TMED3: variants seen among roughly 807,000 people sequenced by gnomAD.
TMED3 encodes the protein transmembrane emp24 domain-containing protein 3.
In TMED3, 9 loss-of-function variants were observed where a neutral mutation model predicts 15.0. The observed-to-expected ratio is 0.60, with a 90% CI of 0.36 to 1.04. The LOEUF (loss-of-function observed/expected upper bound fraction) is 1.04. TMED3 is among the 50% of genes least tolerant of loss of function. TMED3 has a pLI of 0.01. For missense variants in TMED3, 267 were observed against 278.9 expected, an observed-to-expected ratio of 0.96 and a Z score of 0.30; for synonymous variants, 117 against 121.4, an observed-to-expected ratio of 0.96 and a Z score of 0.24.
At chr15:79,324,452 CTAAG>C (rs2058780349), downstream of TMED3, among the ~76,000 whole-genome samples, 1 of 151,966 alleles carries the variant, frequency 6.6e-6, no homozygotes, top group African/African-American at 2.4e-5. Context: ...AAGTATGACT[CTAAG>C]AAGGAAGGGG....
intron 2 of TMED3, among the ~76,000 whole-genome samples, chr15:79,351,395 T>C (rs1027249652): frequency 6.6e-6 from 1 of 152,236 alleles, no homozygotes; most frequent in Non-Finnish European, 1.5e-5. Context: ...ATCAGTTTTA[T>C]AATTAGTTGG....
At chr15:79,353,345 AAATATATGT>A in intron 2 of TMED3, among the ~76,000 whole-genome samples, 1 of 102,880 alleles carries the variant, frequency 9.7e-6, no homozygotes, top group African/African-American at 3.9e-5. Context: ...TATGTATATA[AAATATATGT>A]TATATATAAA....
At position 79,353,307 on chromosome 15, in the gene TMED3, T is replaced by TAA. The variant is rs1567030615; in HGVS notation, c.417+39302_417+39303insAA. 9.4e-4 allele frequency among the ~76,000 whole-genome samples: 32 copies of TAA among 33,884 alleles called. 1 individual carries two copies. The highest frequency in any genetic ancestry group is 2.1e-3 in the African/African-American group (29 of 13,494). 22.2% of individuals were successfully genotyped at this position (33,884 alleles called of 152,430 possible). On this transcript the variant is annotated intron_variant, in intron 2 of 2. Coordinates refer to the TMED3 transcript ENST00000424155. ...ATATATTATATGTATATTATATATATTATATATATAATATATATAATATAT... is the reference window on the plus strand; with the variant it reads ...ATATATTATATGTATATTATATATATAATATATATATAATATATATAATATAT...
intron 2 of TMED3, among the ~76,000 whole-genome samples, chr15:79,389,126 G>A (rs147477311): frequency 0.076 from 11,512 of 152,056 alleles, 577 homozygotes; most frequent in Middle Eastern, 0.14. Context: ...TGTTTTTATT[G>A]CATTTGCCTT....
intron 2 of TMED3, among the ~76,000 whole-genome samples, chr15:79,377,687 G>A (rs111778017): frequency 0.037 from 4,747 of 126,784 alleles, 256 homozygotes; most frequent in African/African-American, 0.13. Context: ...TCGCTCTTTC[G>A]CCCAGGCCAG....
downstream of TMED3, among the ~76,000 whole-genome samples, chr15:79,324,182 G>A (rs1318730057): frequency 2.6e-5 from 4 of 152,158 alleles, no homozygotes; most frequent in East Asian, 1.9e-4. Context: ...TAGTAGAGAC[G>A]GGGTTTCACC....
rs1416493795 is a variant in TMED3, at chr15:79,382,888, C to T, written c.418-28512C>T. The T allele has an allele frequency of 1.2e-5, 16 of 1,348,048 alleles. 1 individual carries two copies. The Middle Eastern group carries it at 1.1e-3, about 90-fold the overall frequency. 83.5% of individuals were successfully genotyped at this position (1,348,048 alleles called of 1,614,324 possible). A position where few individuals can be genotyped will look rare whatever the true frequency, so the allele number is the denominator to read the frequency against. On this transcript the variant is annotated intron_variant, in intron 2 of 2. Transcript: ENST00000424155. The stretch of plus-strand genomic sequence containing the variant: ...TTCATGGGTATCTCATACTATTGTT[C>T]TTACCAACACAATATAGTCTTTATT...
chr15:79,393,233 G>A (rs930414696), intron 2 of TMED3, among the ~76,000 whole-genome samples: 1 of 152,194 alleles, frequency 6.6e-6, no homozygotes. Flanking sequence ...GAAGCTATTA[G>A]TATTTCTAGG....
At chr15:79,379,738 T>C (rs1262487395) in intron 2 of TMED3, among the ~76,000 whole-genome samples, 1 of 152,192 alleles carries the variant, frequency 6.6e-6, no homozygotes, top group East Asian at 1.9e-4. Flanking sequence ...ACATTAGATA[T>C]ACTGATCAAA....
chr15:79,361,043 T>C (rs1306658712), intron 2 of TMED3, among the ~76,000 whole-genome samples: 3 of 151,092 alleles, frequency 2.0e-5, no homozygotes, highest in African/African-American at 4.9e-5. Context: ...TTTTATTTTT[T>C]GTAGAGAGAG....
chr15:79,331,171 A>G (rs548068525), intron 2 of TMED3, among the ~76,000 whole-genome samples: 6 of 152,162 alleles, frequency 3.9e-5, no homozygotes, highest in Non-Finnish European at 8.8e-5. Flanking sequence ...ATCTGCCCCC[A>G]TGATCTAATC....
At chr15:79,388,734 A>G (rs1893659605) in intron 2 of TMED3, among the ~76,000 whole-genome samples, 1 of 152,092 alleles carries the variant, frequency 6.6e-6, no homozygotes, top group African/African-American at 2.4e-5. Flanking sequence ...TTCCCTGATC[A>G]CCACATCCCC....
At chr15:79,384,133 G>T in intron 2 of TMED3, 1 of 152,134 alleles carries the variant, frequency 6.6e-6, no homozygotes, top group African/African-American at 2.4e-5. Context: ...TCAAACATTG[G>T]CAAGGTCACA....
chr15:79,392,178 T>A (rs1893705412), intron 2 of TMED3, among the ~76,000 whole-genome samples: 1 of 152,168 alleles, frequency 6.6e-6, no homozygotes, highest in Non-Finnish European at 1.5e-5. Context: ...CTTTTTAAAT[T>A]GTATTTTTGT....
At chr15:79,339,681 GTGA>G (rs1326167470) in intron 2 of TMED3, among the ~76,000 whole-genome samples, 1 of 152,114 alleles carries the variant, frequency 6.6e-6, no homozygotes, top group African/African-American at 2.4e-5. Context: ...GGTAGTGATG[GTGA>G]TGATGGTGGT....
At chr15:79,339,613 G>T (rs1003443636) in intron 2 of TMED3, among the ~76,000 whole-genome samples, 1 of 152,196 alleles carries the variant, frequency 6.6e-6, no homozygotes, top group Non-Finnish European at 1.5e-5. Flanking sequence ...GTCATGATGA[G>T]GGTGGCAGTG....
intron 2 of TMED3, among the ~76,000 whole-genome samples, chr15:79,380,425 G>GTT (rs1491242260): frequency 2.2e-5 from 3 of 136,494 alleles, no homozygotes; most frequent in Non-Finnish European, 3.0e-5. Context: ...GTTATATATA[G>GTT]TTATATATAT....
intron 2 of TMED3, among the ~76,000 whole-genome samples, chr15:79,406,393 G>A (rs1893903915): frequency 6.6e-6 from 1 of 152,098 alleles, no homozygotes; most frequent in African/African-American, 2.4e-5. Flanking sequence ...GGATACAATG[G>A]ACCCACTGTG....
At chr15:79,376,177 T>A (rs1893423702) in intron 2 of TMED3, among the ~76,000 whole-genome samples, 1 of 142,344 alleles carries the variant, frequency 7.0e-6, no homozygotes, top group African/African-American at 2.6e-5. Context: ...TGGCGCGATC[T>A]CGGCTCACTG....
Sources: gnomAD v4.1 joint callset for allele counts (sites outside exome capture counted in the v4.1 genomes callset) on GRCh38, gnomAD v4.1.1 for gene constraint, MANE v1.5 for transcripts, NCBI Gene and HGNC (gene_info 2026-07-23, HGNC 2026-07-21) for gene names.